STAG2: variants seen among roughly 807,000 people sequenced by gnomAD.
The protein encoded by STAG2 is cohesin subunit SA-2.
STAG2 carries 14 observed loss-of-function variants against 108.1 expected under a neutral mutation model. That is an observed-to-expected ratio of 0.13 (90% CI 0.09 to 0.20). STAG2 has a LOEUF of 0.20. Ranked by LOEUF, STAG2 falls within the 10% of genes least tolerant of loss-of-function variation. The pLI is 1.00. For missense variants in STAG2, 440 were observed against 940.9 expected, an observed-to-expected ratio of 0.47 and a Z score of 6.96; for synonymous variants, 307 against 302.7, an observed-to-expected ratio of 1.01 and a Z score of -0.15.
intron 1 of STAG2, among the ~76,000 whole-genome samples, chrX:123,969,124 C>T (rs1379448680): frequency 1.8e-5 from 2 of 110,788 alleles, no homozygotes; most frequent in Non-Finnish European, 3.8e-5. Context: ...AGATAAGTTG[C>T]TGCCTGAGGT....
In STAG2 at chrX:124,090,662, C is replaced by T. The variant is rs370975120; in HGVS notation, c.3365C>T (p.Thr1122Ile). ...GTTATGATGCAGACACCACAACTCA[C>T]CTCCACTATTATGAGAGAGCCCAAA... ...TPVMMQTPQL[T>I]STIMREPKRL... Residue 1122 changes from threonine to isoleucine, a missense_variant, in exon 31 of 35, where the codon ACC becomes ATC. Physicochemically the swap from Thr to Ile is moderately conservative, Grantham distance 89 (BLOSUM62 -1). This residue lies in a region of STAG2 where 337 missense variants were observed against 649.3 expected (regional missense o/e 0.52). Transcript: ENST00000371145. 1 of 1,209,326 alleles carries T rather than the reference C, an allele frequency of 8.3e-7. No homozygotes were observed. The highest frequency in any genetic ancestry group is 1.1e-6 in the Non-Finnish European group (1 of 894,824).
At chrX:123,983,969 C>CTTT (rs1569493164) in intron 1 of STAG2, among the ~76,000 whole-genome samples, 2 of 64,653 alleles carry the variant, frequency 3.1e-5, no homozygotes, top group African/African-American at 1.5e-4. Flanking sequence ...ATTTTCTTTT[C>CTTT]TTTTCTTTTT....
chrX:124,095,977 A>C (rs1341127166), intron 34 of STAG2, among the ~76,000 whole-genome samples: 1 of 109,996 alleles, frequency 9.1e-6, no homozygotes, highest in African/African-American at 3.3e-5. Context: ...ATTTTTCTTA[A>C]GTACCTCTTA....
At chrX:124,079,274 G>C (rs901849772) in intron 27 of STAG2, among the ~76,000 whole-genome samples, 2 of 108,718 alleles carry the variant, frequency 1.8e-5, no homozygotes, top group African/African-American at 6.7e-5. Flanking sequence ...AAGTAGCTGG[G>C]ACTACAGGCA....
intron 1 of STAG2, among the ~76,000 whole-genome samples, chrX:124,001,434 GT>G (rs2147841996): frequency 9.0e-6 from 1 of 111,349 alleles, no homozygotes; most frequent in African/African-American, 3.3e-5. Flanking sequence ...AATGTACAGT[GT>G]TTATAAAGTG....
At chrX:123,978,091 G>C (rs1297112756) in intron 1 of STAG2, among the ~76,000 whole-genome samples, 1 of 108,245 alleles carries the variant, frequency 9.2e-6, no homozygotes, top group Non-Finnish European at 1.9e-5. Context: ...CCACCTGGCC[G>C]CTTTGGCCTC....
rs779984603 is a variant in STAG2 at position 124,085,593 on chromosome X, G to A, written c.3054-954G>A. The stretch of plus-strand genomic sequence containing the variant: ...AGTTCGAGAGCAATCTGGCCAACAT[G>A]GTGAAACCCTGTCTCTACAAAAGAT... On this transcript the variant is annotated intron_variant, in intron 29 of 34. Coordinates refer to ENST00000371145, the MANE Select transcript of STAG2 (RefSeq NM_001042750.2). 4.5e-5 allele frequency among the ~76,000 whole-genome samples: 5 copies of A among 110,073 alleles called. No homozygotes were observed. In the East Asian group the frequency reaches 1.4e-3, roughly 32 times the overall value.
intron 1 of STAG2, among the ~76,000 whole-genome samples, chrX:123,979,946 T>A (rs779531070): frequency 2.7e-4 from 30 of 112,057 alleles, no homozygotes; most frequent in African/African-American, 9.7e-4. Flanking sequence ...TGTGTATATT[T>A]TAAAAATGCA....
intron 13 of STAG2, among the ~76,000 whole-genome samples, chrX:124,052,176 T>C (rs2058063910): frequency 8.9e-6 from 1 of 112,175 alleles, no homozygotes; most frequent in African/African-American, 3.2e-5. Context: ...GGTAGTAAAA[T>C]ATAGATTATG....
intron 29 of STAG2, among the ~76,000 whole-genome samples, chrX:124,085,442 C>G (rs183015056): frequency 2.8e-3 from 311 of 111,087 alleles, no homozygotes; most frequent in African/African-American, 9.8e-3. Flanking sequence ...ACAGGCCACA[C>G]TTGGAGGAGT....
chrX:123,965,207 CAT>C (rs1328331094), intron 1 of STAG2, among the ~76,000 whole-genome samples: 3 of 111,672 alleles, frequency 2.7e-5, no homozygotes, highest in African/African-American at 9.8e-5. Flanking sequence ...AAATAGGTGA[CAT>C]ATTTCAAATT....
chrX:123,972,195 T>G (rs1481020188), intron 1 of STAG2, among the ~76,000 whole-genome samples: 1 of 111,323 alleles, frequency 9.0e-6, no homozygotes, highest in Non-Finnish European at 1.9e-5. Context: ...CTTGGCTATT[T>G]TAATAGTTCA....
At chrX:123,962,383 G>GT (rs2053910780) in intron 1 of STAG2, among the ~76,000 whole-genome samples, 1 of 111,091 alleles carries the variant, frequency 9.0e-6, no homozygotes, top group African/African-American at 3.3e-5. Flanking sequence ...TTTGCCTTTA[G>GT]TTTTTTATAA....
intron 24 of STAG2, among the ~76,000 whole-genome samples, chrX:124,069,242 T>C (rs775804123): frequency 1.8e-5 from 2 of 112,462 alleles, no homozygotes; most frequent in African/African-American, 6.4e-5. Flanking sequence ...TCTAATTCCC[T>C]AATTGAGAGG....
At position 124,100,841 on chromosome X, in the gene STAG2, G is replaced by C; in HGVS notation, c.*244G>C. On this transcript the variant is annotated 3_prime_UTR_variant, in exon 35 of 35. Coordinates refer to ENST00000371145, the MANE Select transcript of STAG2 (RefSeq NM_001042750.2). ...TAGAAAGTAAATATTTTATTTATGC[G>C]CTGTTAGTTGGCTTTTGAATCGATT... The C allele has an allele frequency of 7.6e-6, 2 of 263,146 alleles. No homozygotes were observed. The highest frequency in any genetic ancestry group is 1.3e-5 in the Non-Finnish European group (2 of 148,516). 21.7% of individuals were successfully genotyped at this position (263,146 alleles called of 1,213,427 possible).
rs753176169 is a variant in STAG2, at chrX:124,039,397, C to T, written c.385+1774C>T. On this transcript the variant is annotated intron_variant, in intron 6 of 34. Transcript: ENST00000371145. ...GCCCAGGCCGCAAGTGATCCTCTTG[C>T]CTCATCCTCCGAAGTAGCTGGGGCT... Among the ~76,000 whole-genome samples, 4 of 109,292 alleles carry T rather than the reference C, an allele frequency of 3.7e-5. No individual in the cohort carries two copies. In the South Asian group the frequency reaches 1.2e-3, roughly 32 times the overall value. The allele number at this position is 109,292 out of a possible 115,157, so 94.9% of individuals were successfully genotyped here. A position where few individuals can be genotyped will look rare whatever the true frequency, so the allele number is the denominator to read the frequency against.
At chrX:124,093,474 T>C (rs2059305375) in intron 32 of STAG2, among the ~76,000 whole-genome samples, 1 of 71,119 alleles carries the variant, frequency 1.4e-5, no homozygotes, top group Non-Finnish European at 3.0e-5. Flanking sequence ...TTATTCATCT[T>C]TTTTTTTTTT....
chrX:124,076,541 G>A, intron 26 of STAG2, 70 bp downstream of exon 26: 2 of 984,739 alleles, frequency 2.0e-6, no homozygotes, highest in African/African-American at 2.0e-5. Flanking sequence ...GGCTGCCATT[G>A]AATTCTTTAA....
At chrX:124,053,296 C>G (rs893673785) in intron 13 of STAG2, among the ~76,000 whole-genome samples, 1 of 111,911 alleles carries the variant, frequency 8.9e-6, no homozygotes, top group Non-Finnish European at 1.9e-5. Flanking sequence ...AATAAGAAAT[C>G]CACCAGATAT....
Sources: allele counts gnomAD v4.1 joint callset (sites outside exome capture counted in the v4.1 genomes callset), GRCh38; gene constraint gnomAD v4.1.1; regional missense constraint gnomAD v4.1.1; transcripts MANE v1.5; gene names NCBI Gene and HGNC (gene_info 2026-07-23, HGNC 2026-07-21).